PIEZO2: variants seen among roughly 807,000 people sequenced by gnomAD.
PIEZO2 encodes piezo-type mechanosensitive ion channel component 2.
Under a neutral mutation model 337.3 loss-of-function variants are expected in PIEZO2, and 172 were observed. That is an observed-to-expected ratio of 0.51 (90% CI 0.45 to 0.58). PIEZO2 has a LOEUF of 0.58. Ranked by LOEUF, PIEZO2 falls within the 20% of genes least tolerant of loss-of-function variation. The pLI, the probability that PIEZO2 is intolerant of heterozygous loss-of-function variation, is 0.00. For synonymous variants in PIEZO2, 1,251 were observed against 1,228.5 expected, an observed-to-expected ratio of 1.02 and a Z score of -0.38; for missense variants, 3,028 against 3,391.3, an observed-to-expected ratio of 0.89 and a Z score of 2.66.
In PIEZO2 at chr18:11,143,309, C is replaced by A; in HGVS notation, c.64+5216G>T. ...TTCTAAGTTCTCCTGAATATTTATGCAAAAAAGCATATTATACACATCATT... is the reference window on the plus strand; with the variant it reads ...TTCTAAGTTCTCCTGAATATTTATGAAAAAAAGCATATTATACACATCATT... On this transcript the variant is annotated intron_variant, in intron 1 of 55. Coordinates refer to ENST00000674853, the MANE Select transcript of PIEZO2 (RefSeq NM_001378183.1). This position sits in a 1 kb window ranked among gnomAD's most constrained non-coding sequence, Gnocchi z 4.9. 6.6e-6 allele frequency among the ~76,000 whole-genome samples: 1 copy of A among 151,882 alleles called. No homozygotes were observed. Among genetic ancestry groups the A allele is most frequent in the South Asian group, 2.1e-4 (1 of 4,820 alleles).
At chr18:11,120,797 T>C (rs1171471026) in intron 1 of PIEZO2, among the ~76,000 whole-genome samples, 1 of 152,268 alleles carries the variant, frequency 6.6e-6, no homozygotes, top group African/African-American at 2.4e-5. Flanking sequence ...AAGGCTGTGT[T>C]ACCATTTTTG....
chr18:10,777,471 T>C (rs1272403631), intron 18 of PIEZO2, among the ~76,000 whole-genome samples: 1 of 152,204 alleles, frequency 6.6e-6, no homozygotes, highest in Non-Finnish European at 1.5e-5. Flanking sequence ...GTGCCTGGGG[T>C]GCACTATAAT....
intron 37 of PIEZO2, among the ~76,000 whole-genome samples, chr18:10,717,028 C>T (rs1430110845): frequency 2.6e-5 from 4 of 152,176 alleles, no homozygotes; most frequent in Non-Finnish European, 4.4e-5. Context: ...GGCAGTAGGG[C>T]ACAGTGGTTA....
In PIEZO2 at chr18:10,797,468, C is replaced by G. The variant is rs181395487; in HGVS notation, c.1433G>C (p.Arg478Pro). Residue 478 changes from arginine (R) to proline (P), a missense_variant, in exon 12 of 56, where the codon CGT becomes CCT. Transcript: ENST00000674853. ...AACTTTGATACTTCTTTTTTCCTCA[C>G]GGCTCCTTTCTTCTTCAAATTCTTC... Reference protein sequence around the residue: ...EKEEFEEERSREEKRSIKVHA... With the variant: ...EKEEFEEERSPEEKRSIKVHA... The G allele has an allele frequency of 4.6e-6, 7 of 1,537,100 alleles. No homozygotes were observed. The highest frequency in any genetic ancestry group is 1.7e-4 in the Middle Eastern group (1 of 5,990).
intron 4 of PIEZO2, among the ~76,000 whole-genome samples, chr18:10,898,375 T>C (rs1324110178): frequency 2.6e-5 from 4 of 151,460 alleles, no homozygotes; most frequent in African/African-American, 9.7e-5. Flanking sequence ...GAGCCGAAAT[T>C]GCGCCAGTGC....
chr18:11,092,326 GA>G lies in PIEZO2; in HGVS notation c.65-26105del, dbSNP rs1485150674. Among the ~76,000 whole-genome samples, 1 of 152,180 alleles carries G rather than the reference GA, an allele frequency of 6.6e-6. No individual in the cohort carries two copies. Among genetic ancestry groups the G allele is most frequent in the East Asian group, 1.9e-4 (1 of 5,204 alleles). On this transcript the variant is annotated intron_variant, in intron 1 of 55. Transcript: ENST00000674853. The surrounding 1 kb of genome is among the most constrained non-coding windows in gnomAD (Gnocchi z 4.5). ...ATTAGCTTGACAGAGTATTTGCCAA[GA>G]GATTGTTAAACATAATAAATACAGA...
At chr18:10,807,424 G>A (rs989885294) in intron 7 of PIEZO2, 150 bp from the exon 8 acceptor site, 15 of 649,892 alleles carry the variant, frequency 2.3e-5, no homozygotes, top group South Asian at 9.2e-5. Context: ...TTCTGTATAC[G>A]TAATTACATA....
chr18:10,698,067 A>G (rs1268975719), intron 44 of PIEZO2, among the ~76,000 whole-genome samples, 187 bp from the exon 45 acceptor site: 1 of 150,956 alleles, frequency 6.6e-6, no homozygotes, highest in Non-Finnish European at 1.5e-5. Context: ...GGGGTTTAAC[A>G]CCCCATGGTG....
chr18:10,997,740 G>A (rs1380783280), intron 2 of PIEZO2, among the ~76,000 whole-genome samples: 2 of 151,960 alleles, frequency 1.3e-5, no homozygotes, highest in Admixed American at 1.3e-4. Flanking sequence ...GAGAGCAAAA[G>A]ATTGAAAAAA....
chr18:10,952,210 T>A lies in PIEZO2; in HGVS notation c.286+27325A>T, dbSNP rs531783126. On this transcript the variant is annotated intron_variant, in intron 3 of 55. Coordinates refer to ENST00000674853, the MANE Select transcript of PIEZO2 (RefSeq NM_001378183.1). This position sits in a 1 kb window ranked among gnomAD's most constrained non-coding sequence, Gnocchi z 4.1. ...ATGTGTTACCACTGTGGTCGCTGGC[T>A]CTTTTTAAATCATTTTTTTTCTTAT... Among the ~76,000 whole-genome samples the A allele has an allele frequency of 6.6e-6, 1 of 152,216 alleles. No individual in the cohort carries two copies. The highest frequency in any genetic ancestry group is 6.5e-5 in the Admixed American group (1 of 15,280).
chr18:10,912,450 T>G (rs1315042491), intron 3 of PIEZO2, among the ~76,000 whole-genome samples: 1 of 152,144 alleles, frequency 6.6e-6, no homozygotes, highest in Non-Finnish European at 1.5e-5. Context: ...ACTAGGTGCT[T>G]GATAATCACA....
chr18:11,034,391 G>A (rs987791223), intron 2 of PIEZO2, among the ~76,000 whole-genome samples: 3 of 151,828 alleles, frequency 2.0e-5, no homozygotes, highest in Non-Finnish European at 4.4e-5. Flanking sequence ...CGCCTCCCAG[G>A]TTCACGCCAT....
intron 2 of PIEZO2, among the ~76,000 whole-genome samples, chr18:11,029,062 T>C (rs987786478): frequency 4.0e-4 from 61 of 152,234 alleles, no homozygotes; most frequent in African/African-American, 1.4e-3. Flanking sequence ...TAGCAAAAAA[T>C]TAATTGGGAA....
intron 3 of PIEZO2, among the ~76,000 whole-genome samples, chr18:10,924,768 T>C (rs1206875318): frequency 6.6e-6 from 1 of 152,218 alleles, no homozygotes; most frequent in African/African-American, 2.4e-5. Context: ...GCGGAGGATT[T>C]TTTCTTTTAT....
chr18:10,723,518 G>T (rs982601462), intron 36 of PIEZO2, among the ~76,000 whole-genome samples: 15 of 152,142 alleles, frequency 9.9e-5, no homozygotes, highest in Admixed American at 7.9e-4. Context: ...ACTAGTGAGG[G>T]TTTTGTTTTG....
intron 18 of PIEZO2, among the ~76,000 whole-genome samples, chr18:10,777,277 G>A (rs1193892194): frequency 6.6e-6 from 1 of 152,222 alleles, no homozygotes; most frequent in Non-Finnish European, 1.5e-5. Flanking sequence ...TAACGGAGCA[G>A]ATGACAAGTA....
At chr18:10,873,934 A>G (rs1420741791) in intron 4 of PIEZO2, among the ~76,000 whole-genome samples, 1 of 152,186 alleles carries the variant, frequency 6.6e-6, no homozygotes, top group Non-Finnish European at 1.5e-5. Flanking sequence ...GTAAGACCTC[A>G]AAAGCACAGG....
rs544745841 is a variant in PIEZO2 at position 10,881,003 on chromosome 18, T to A, written c.330-9588A>T. Among the ~76,000 whole-genome samples, 5 of 150,638 alleles carry A rather than the reference T, an allele frequency of 3.3e-5. No homozygotes were observed. In the East Asian group the frequency reaches 9.8e-4, roughly 29 times the overall value. ...TATATTTGGTGTAAATAGAGAAAGG[T>A]TTAGATTACAAACTCTGGAAGGAAA... On this transcript the variant is annotated intron_variant, in intron 4 of 55. Transcript: ENST00000674853.
intron 1 of PIEZO2, among the ~76,000 whole-genome samples, chr18:11,087,994 T>C (rs1018833973): frequency 6.6e-6 from 1 of 152,242 alleles, no homozygotes; most frequent in Non-Finnish European, 1.5e-5. Context: ...GTGATGCCAC[T>C]CACATATATC....
Sources: allele counts gnomAD v4.1 joint callset (sites outside exome capture counted in the v4.1 genomes callset), GRCh38; gene constraint gnomAD v4.1.1; non-coding constraint Gnocchi (gnomAD v3.1); transcripts MANE v1.5; gene names NCBI Gene and HGNC (gene_info 2026-07-23, HGNC 2026-07-21).